The following KCNH5 variants were observed in gnomAD, a reference collection of about 807,000 sequenced individuals.
KCNH5 encodes the protein voltage-gated delayed rectifier potassium channel KCNH5.
Under a neutral mutation model 96.1 loss-of-function variants are expected in KCNH5, and 46 were observed. The observed-to-expected ratio is 0.48, with a 90% CI of 0.38 to 0.61. The LOEUF (loss-of-function observed/expected upper bound fraction) is 0.61. KCNH5 is among the 20% of genes least tolerant of loss of function. KCNH5 has a pLI of 0.00. For synonymous variants in KCNH5, 439 were observed against 449.8 expected (o/e 0.98, Z 0.30); for missense variants, 907 against 1,225.8 (o/e 0.74, Z 3.88).
intron 7 of KCNH5, among the ~76,000 whole-genome samples, chr14:62,903,632 A>T (rs1888971998): frequency 6.6e-6 from 1 of 152,190 alleles, no homozygotes; most frequent in South Asian, 2.1e-4. Context: ...AGAAAATAGA[A>T]TCTAGAAGTA....
intron 4 of KCNH5, among the ~76,000 whole-genome samples, chr14:62,994,361 G>A (rs982581076): frequency 3.3e-5 from 5 of 152,012 alleles, no homozygotes; most frequent in Non-Finnish European, 7.4e-5. Context: ...GGCAGTTTTG[G>A]AGTCTGTTTG....
At chr14:62,997,359 C>A (rs1365095985) in intron 4 of KCNH5, among the ~76,000 whole-genome samples, 3 of 152,064 alleles carry the variant, frequency 2.0e-5, no homozygotes, top group Admixed American at 2.0e-4. Flanking sequence ...TATAGATGTT[C>A]CTTATCAAAC....
intron 7 of KCNH5, among the ~76,000 whole-genome samples, chr14:62,877,639 A>T (rs1170513101): frequency 1.3e-5 from 2 of 152,112 alleles, no homozygotes; most frequent in Admixed American, 6.5e-5. Context: ...TCAAAACCAC[A>T]ATGAGATACC....
intron 10 of KCNH5, among the ~76,000 whole-genome samples, chr14:62,709,949 T>C (rs1175289592): frequency 2.0e-5 from 3 of 152,290 alleles, no homozygotes; most frequent in Non-Finnish European, 4.4e-5. Context: ...CCTCTGTAGG[T>C]TGTTGGTTAG....
chr14:62,904,514 T>C (rs964578427), intron 7 of KCNH5, among the ~76,000 whole-genome samples: 3 of 152,152 alleles, frequency 2.0e-5, no homozygotes, highest in Admixed American at 2.0e-4. Context: ...CTCAATGGTT[T>C]CCTTGTAAAC....
intron 10 of KCNH5, among the ~76,000 whole-genome samples, chr14:62,766,979 TA>T (rs890544015): frequency 2.7e-5 from 4 of 150,108 alleles, no homozygotes; most frequent in African/African-American, 1.0e-4. Flanking sequence ...CACAAAAAAT[TA>T]AAAACATAAA....
chr14:62,891,186 A>G (rs1888703506), intron 7 of KCNH5, among the ~76,000 whole-genome samples: 1 of 152,134 alleles, frequency 6.6e-6, no homozygotes, highest in South Asian at 2.1e-4. Context: ...CTGAATAAAG[A>G]AAATGTAGTA....
chr14:62,797,150 G>A (rs1269307609), intron 9 of KCNH5, among the ~76,000 whole-genome samples: 1 of 152,078 alleles, frequency 6.6e-6, no homozygotes, highest in African/African-American at 2.4e-5. Flanking sequence ...CAAGGGGATA[G>A]GATAAATTAG....
intron 2 of KCNH5, among the ~76,000 whole-genome samples, chr14:63,015,677 G>A (rs769550099): frequency 2.0e-5 from 3 of 151,852 alleles, no homozygotes; most frequent in Non-Finnish European, 2.9e-5. Flanking sequence ...GGATCCCTGC[G>A]TATATCAAAA....
chr14:63,020,728 G>C (rs764914120), intron 1 of KCNH5, among the ~76,000 whole-genome samples: 2 of 152,162 alleles, frequency 1.3e-5, no homozygotes, highest in African/African-American at 2.4e-5. Context: ...TTACACAGGT[G>C]TATACAATTG....
chr14:62,907,875 C>T (rs1396068189), intron 7 of KCNH5, among the ~76,000 whole-genome samples: 4 of 152,130 alleles, frequency 2.6e-5, no homozygotes, highest in South Asian at 4.2e-4. Flanking sequence ...GTGGATCAAC[C>T]AATAGTCGAT....
intron 8 of KCNH5, among the ~76,000 whole-genome samples, chr14:62,840,515 C>T (rs1297620475): frequency 1.4e-5 from 2 of 139,630 alleles, no homozygotes; most frequent in African/African-American, 2.6e-5. Context: ...TTTTCTTTTT[C>T]TTTTCTGTTT....
At chr14:62,945,610 C>T (rs917450430) in intron 7 of KCNH5, among the ~76,000 whole-genome samples, 3 of 152,032 alleles carry the variant, frequency 2.0e-5, no homozygotes, top group Non-Finnish European at 4.4e-5. Context: ...CACGTGGGTT[C>T]GGATCGTGGT....
chr14:62,955,034 C>T (rs1240752012), intron 6 of KCNH5, among the ~76,000 whole-genome samples: 5 of 151,212 alleles, frequency 3.3e-5, no homozygotes, highest in African/African-American at 9.7e-5. Flanking sequence ...AACCATATCA[C>T]TAGGTCACAC....
rs145971581 is a variant in KCNH5 at position 62,760,249 on chromosome 14, AC to A, written c.2019+19478del. On this transcript the variant is annotated intron_variant, in intron 10 of 10. Coordinates refer to ENST00000322893, the MANE Select transcript of KCNH5 (RefSeq NM_139318.5). ...ACTCTTTTTTCACACGAGAATGAGT[AC>A]ATAACTTCCTATCATGGGAAACTAA... Among the ~76,000 whole-genome samples, 392 of 152,314 alleles carry A rather than the reference AC, an allele frequency of 2.6e-3. 6 individuals carry two copies. The East Asian group carries it at 0.043, about 17-fold the overall frequency.
chr14:62,853,494 A>ATATGATATATATATATG (rs375695583), intron 7 of KCNH5, among the ~76,000 whole-genome samples: 1 of 102,070 alleles, frequency 9.8e-6, no homozygotes, highest in Non-Finnish European at 2.1e-5. Flanking sequence ...ATATATATAT[A>ATATGATATATATATATG]ATCTTGGCCA....
intron 10 of KCNH5, among the ~76,000 whole-genome samples, chr14:62,769,104 G>A (rs907655716): frequency 6.6e-6 from 1 of 152,218 alleles, no homozygotes; most frequent in Non-Finnish European, 1.5e-5. Flanking sequence ...AAAAACTGAG[G>A]CTGCAGGCTC....
At chr14:62,975,634 C>T (rs989915927) in intron 6 of KCNH5, among the ~76,000 whole-genome samples, 2 of 151,998 alleles carry the variant, frequency 1.3e-5, no homozygotes, top group Admixed American at 1.3e-4. Context: ...TTAAGTCAAA[C>T]ACTGATGTTA....
chr14:62,894,463 G>A (rs932829374), intron 7 of KCNH5, among the ~76,000 whole-genome samples: 7 of 152,232 alleles, frequency 4.6e-5, no homozygotes, highest in Admixed American at 4.6e-4. Context: ...TTGTAAGTGT[G>A]TATGTGTTCA....
Sources: allele counts gnomAD v4.1 joint callset (sites outside exome capture counted in the v4.1 genomes callset), GRCh38; gene constraint gnomAD v4.1.1; transcripts MANE v1.5; gene names NCBI Gene and HGNC (gene_info 2026-07-23, HGNC 2026-07-21).